RGS22: variants seen among roughly 807,000 people sequenced by gnomAD.
RGS22 encodes the protein regulator of G-protein signaling 22.
RGS22 carries 148 observed loss-of-function variants against 172.9 expected under a neutral mutation model. That is an observed-to-expected ratio of 0.86 (90% CI 0.75 to 0.98). The LOEUF (loss-of-function observed/expected upper bound fraction) is 0.98. Ranked by LOEUF, RGS22 falls within the 50% of genes least tolerant of loss-of-function variation. The probability of loss-of-function intolerance (pLI) is 0.00; values close to 1 mark genes in which losing one functional copy is unlikely to be tolerated. For synonymous variants in RGS22, 458 were observed against 480.2 expected (o/e 0.95, Z 0.60); for missense variants, 1,347 against 1,440.8 (o/e 0.93, Z 1.05).
chr8:100,053,038 C>T, intron 9 of RGS22, 62 bp from the exon 10 acceptor site: 2 of 1,420,454 alleles, frequency 1.4e-6, no homozygotes, highest in Non-Finnish European at 2.0e-6. Context: ...AATGAAAAGC[C>T]TACAAAATAC....
chr8:100,043,235 C>T (rs975078056), intron 11 of RGS22, among the ~76,000 whole-genome samples: 2 of 152,224 alleles, frequency 1.3e-5, no homozygotes, highest in Non-Finnish European at 2.9e-5. Context: ...TGTACCCATC[C>T]TTACTTCTTT....
chr8:100,065,735 T>C (rs1168120067), intron 7 of RGS22, among the ~76,000 whole-genome samples: 1 of 152,178 alleles, frequency 6.6e-6, no homozygotes, highest in African/African-American at 2.4e-5. Flanking sequence ...TTTCCATCAA[T>C]AATTTTTTTT....
chr8:100,095,188 T>C (rs1812870297), intron 2 of RGS22, among the ~76,000 whole-genome samples: 1 of 152,134 alleles, frequency 6.6e-6, no homozygotes, highest in Non-Finnish European at 1.5e-5. Flanking sequence ...CCGTTTTATT[T>C]TTGTTTTTGT....
intron 2 of RGS22, among the ~76,000 whole-genome samples, chr8:100,101,049 G>C (rs1391847826): frequency 6.6e-6 from 1 of 152,134 alleles, no homozygotes; most frequent in Non-Finnish European, 1.5e-5. Context: ...TGGAAGACTT[G>C]ATAAAGACTT....
chr8:100,054,932 A>G (rs1283229930), intron 9 of RGS22, among the ~76,000 whole-genome samples: 1 of 152,196 alleles, frequency 6.6e-6, no homozygotes, highest in Non-Finnish European at 1.5e-5. Flanking sequence ...TGGAAAGTGG[A>G]AGGAACAGTG....
At chr8:100,032,929 A>C (rs1055381007) in intron 14 of RGS22, among the ~76,000 whole-genome samples, 1 of 152,236 alleles carries the variant, frequency 6.6e-6, no homozygotes, top group African/African-American at 2.4e-5. Flanking sequence ...TGAGTAAATA[A>C]CGAAATGAAG....
chr8:100,011,157 A>G (rs907587213), intron 14 of RGS22, among the ~76,000 whole-genome samples: 8 of 152,162 alleles, frequency 5.3e-5, no homozygotes, highest in Non-Finnish European at 8.8e-5. Context: ...AAGATACTTT[A>G]AAGGGAGGCA....
At chr8:100,082,623 T>C (rs981747790) in intron 3 of RGS22, among the ~76,000 whole-genome samples, 8 of 152,192 alleles carry the variant, frequency 5.3e-5, no homozygotes, top group Non-Finnish European at 1.0e-4. Context: ...TGGTGGTCCA[T>C]GGACTCAGAG....
chr8:99,970,837 C>T (rs1811260154), intron 23 of RGS22, among the ~76,000 whole-genome samples: 1 of 152,148 alleles, frequency 6.6e-6, no homozygotes, highest in African/African-American at 2.4e-5. Flanking sequence ...TGAAACTATT[C>T]CAAACAATAG....
chr8:100,068,085 A>C (rs1350492517), intron 6 of RGS22, among the ~76,000 whole-genome samples: 1 of 152,144 alleles, frequency 6.6e-6, no homozygotes, highest in Non-Finnish European at 1.5e-5. Flanking sequence ...GCTATTGAAA[A>C]ATGGTAATAT....
At chr8:100,060,432 A>T (rs1313978266) in intron 9 of RGS22, among the ~76,000 whole-genome samples, 3 of 146,122 alleles carry the variant, frequency 2.1e-5, no homozygotes, top group Non-Finnish European at 4.6e-5. Context: ...ACACACACAC[A>T]CACACACACG....
intron 4 of RGS22, among the ~76,000 whole-genome samples, chr8:100,078,790 C>T (rs143313055): frequency 1.5e-3 from 231 of 152,204 alleles, no homozygotes; most frequent in African/African-American, 5.1e-3. Context: ...CCATGCCTGG[C>T]TAATTTTTGT....
At chr8:100,047,995 C>T (rs1305697938) in intron 10 of RGS22, among the ~76,000 whole-genome samples, 1 of 151,678 alleles carries the variant, frequency 6.6e-6, no homozygotes, top group Non-Finnish European at 1.5e-5. Context: ...GGTCACAGGG[C>T]AGGGAAATGA....
At chr8:99,962,840 A>T in intron 25 of RGS22, 45 bp downstream of exon 25, 2 of 1,579,150 alleles carry the variant, frequency 1.3e-6, no homozygotes, top group Non-Finnish European at 1.7e-6. Flanking sequence ...TTAATCTGTG[A>T]TAAAAGATAA....
At chr8:100,061,588 C>G (rs1053985154) in intron 9 of RGS22, among the ~76,000 whole-genome samples, 17 of 152,208 alleles carry the variant, frequency 1.1e-4, no homozygotes, top group African/African-American at 3.4e-4. Flanking sequence ...AAATCAAAAC[C>G]ACACTGAGAT....
At chr8:100,067,226 A>T (rs1370553685) in intron 6 of RGS22, among the ~76,000 whole-genome samples, 2 of 152,190 alleles carry the variant, frequency 1.3e-5, no homozygotes, top group East Asian at 3.8e-4. Context: ...GAATTAACAT[A>T]GCAAGTCAAG....
Position 99,970,298 on chromosome 8 carries a change from T to C in RGS22, c.3520-4868A>G, listed in dbSNP as rs113165374. 3.4e-3 allele frequency among the ~76,000 whole-genome samples: 522 copies of C among 152,062 alleles called. 1 individual carries two copies. The highest frequency in any genetic ancestry group is 0.012 in the African/African-American group (498 of 41,518). On this transcript the variant is annotated intron_variant, in intron 23 of 27. Coordinates refer to ENST00000360863, the MANE Select transcript of RGS22 (RefSeq NM_015668.5). Reference sequence around the variant, plus strand: ...GAAAATGGGAAAGATCTAAAATTGATACCCTAACATCACAATTAAAAGAAC... The same window carrying C: ...GAAAATGGGAAAGATCTAAAATTGACACCCTAACATCACAATTAAAAGAAC...
intron 8 of RGS22, 59 bp downstream of exon 8, chr8:100,063,357 C>T: frequency 7.9e-7 from 1 of 1,270,660 alleles, no homozygotes; most frequent in South Asian, 1.8e-5. Context: ...GCTAAATAAC[C>T]CAAATTAATA....
Position 100,062,598 on chromosome 8 carries a change from G to A in RGS22, c.1507C>T (p.Leu503=). ...IQSEVLKPLL[L]YWAPRFCVTH... ...TGATTCATGTTTTCTTACCAATACA[G>A]AAGTAAAGGTTTTAAAACTTCAGAC... is the stretch of plus-strand genomic sequence containing the variant. Residue 503 remains leucine, a synonymous_variant, in exon 9 of 28, where the codon CTG becomes TTG. Transcript: ENST00000360863. 6.3e-7 allele frequency: 1 copy of A among 1,590,842 alleles called. No homozygotes were observed. Among genetic ancestry groups the A allele is most frequent in the Non-Finnish European group, 8.6e-7 (1 of 1,161,954 alleles).
Sources: allele counts gnomAD v4.1 joint callset (sites outside exome capture counted in the v4.1 genomes callset), GRCh38; gene constraint gnomAD v4.1.1; transcripts MANE v1.5; gene names NCBI Gene and HGNC (gene_info 2026-07-23, HGNC 2026-07-21).